The following UPP2 variants were observed in gnomAD, a reference collection of about 807,000 sequenced individuals.
UPP2 encodes UPase 2.
A neutral mutation model predicts 26.7 loss-of-function variants in UPP2; 23 were observed. The observed-to-expected ratio is 0.86, with a 90% CI of 0.62 to 1.22. The LOEUF (loss-of-function observed/expected upper bound fraction) is 1.22, where lower values mean the gene tolerates loss of function less well. Among genes scored for constraint, UPP2 ranks in the 50% most tolerant of loss-of-function variants. UPP2 has a pLI of 0.00. For synonymous variants in UPP2, 127 were observed against 141.3 expected, an observed-to-expected ratio of 0.90 and a Z score of 0.72; for missense variants, 387 against 396.7, an observed-to-expected ratio of 0.98 and a Z score of 0.21.
At chr2:158,068,794 A>G (rs1682484885) in intron 3 of UPP2, among the ~76,000 whole-genome samples, 1 of 16,158 alleles carries the variant, frequency 6.2e-5, no homozygotes, top group African/African-American at 2.4e-4. Context: ...ATATATATAT[A>G]TATATATATT....
At chr2:158,092,828 G>C (rs965288214) in intron 3 of UPP2, among the ~76,000 whole-genome samples, 4 of 152,192 alleles carry the variant, frequency 2.6e-5, no homozygotes, top group African/African-American at 9.7e-5. Flanking sequence ...GCTTTGAATT[G>C]TATTAAGTAT....
intron 3 of UPP2, among the ~76,000 whole-genome samples, chr2:158,034,703 T>C (rs936293796): frequency 2.6e-5 from 4 of 152,168 alleles, no homozygotes; most frequent in Admixed American, 6.5e-5. Context: ...AAGGAAGAGA[T>C]TGTTTGGCAC....
rs553663102 is a variant in UPP2 at position 158,084,870 on chromosome 2, A to C, written c.148-17170A>C. On this transcript the variant is annotated intron_variant, in intron 3 of 9. Coordinates refer to the UPP2 transcript ENST00000605860. ...TGGTCTGTATGCCTATTTTTATACT[A>C]GTACCATGCTGTTTTGGTGACTATG... is the stretch of plus-strand genomic sequence containing the variant. Among the ~76,000 whole-genome samples the C allele has an allele frequency of 1.1e-3, 170 of 152,288 alleles. 1 individual carries two copies. Among genetic ancestry groups the C allele is most frequent in the African/African-American group, 3.9e-3 (162 of 41,570 alleles).
chr2:158,121,948 G>C (rs1683577837), intron 5 of UPP2, among the ~76,000 whole-genome samples: 2 of 151,980 alleles, frequency 1.3e-5, no homozygotes, highest in Non-Finnish European at 1.5e-5. Flanking sequence ...CTGATTCTAT[G>C]TTTCTGCCAT....
At chr2:158,069,405 C>T (rs997426235) in intron 3 of UPP2, among the ~76,000 whole-genome samples, 1 of 152,186 alleles carries the variant, frequency 6.6e-6, no homozygotes, top group Non-Finnish European at 1.5e-5. Context: ...CCAGTGAGCC[C>T]TCTTGGCAGG....
At chr2:158,127,498 G>C (rs1683720187) in intron 6 of UPP2, among the ~76,000 whole-genome samples, 1 of 151,598 alleles carries the variant, frequency 6.6e-6, no homozygotes. Context: ...TTTTGACTAT[G>C]GAAAATGGCC....
At chr2:158,001,502 C>T (rs1683406975) in intron 2 of UPP2, among the ~76,000 whole-genome samples, 1 of 152,088 alleles carries the variant, frequency 6.6e-6, no homozygotes, top group African/African-American at 2.4e-5. Context: ...CAATGCTCCC[C>T]ATGGGGTGAA....
At chr2:158,013,893 A>T (rs181312172) in intron 2 of UPP2, among the ~76,000 whole-genome samples, 1 of 152,328 alleles carries the variant, frequency 6.6e-6, no homozygotes, top group East Asian at 1.9e-4. Flanking sequence ...AAAATCACAG[A>T]CAGGGACTTC....
chr2:158,053,643 A>C (rs1452025188), intron 3 of UPP2, among the ~76,000 whole-genome samples: 6 of 152,210 alleles, frequency 3.9e-5, no homozygotes, highest in African/African-American at 1.2e-4. Flanking sequence ...TTATCCATAC[A>C]GTAGCTACTT....
intron 3 of UPP2, among the ~76,000 whole-genome samples, chr2:158,087,442 C>T (rs1682834992): frequency 6.6e-6 from 1 of 152,106 alleles, no homozygotes; most frequent in African/African-American, 2.4e-5. Context: ...CTCCATTCTC[C>T]CATTCTTTGT....
At chr2:158,025,030 C>G (rs775021501) in intron 3 of UPP2, among the ~76,000 whole-genome samples, 1 of 151,686 alleles carries the variant, frequency 6.6e-6, no homozygotes, top group South Asian at 2.1e-4. Context: ...GGTGAAACCC[C>G]GTCTCTACAA....
intron 2 of UPP2, among the ~76,000 whole-genome samples, chr2:158,010,763 C>CTTT (rs34328148): frequency 2.4e-5 from 2 of 82,906 alleles, no homozygotes; most frequent in Non-Finnish European, 2.9e-5. Flanking sequence ...CCCTCTTTTT[C>CTTT]TTTTTTTTTT....
chr2:158,025,767 G>C (rs1159849290), intron 3 of UPP2, among the ~76,000 whole-genome samples: 2 of 152,208 alleles, frequency 1.3e-5, no homozygotes, highest in African/African-American at 4.8e-5. Context: ...TTAGTTCAGA[G>C]AGCAACTCCT....
chr2:158,116,095 AT>A (rs1280847174), intron 3 of UPP2, among the ~76,000 whole-genome samples: 2 of 152,236 alleles, frequency 1.3e-5, no homozygotes, highest in East Asian at 3.9e-4. Context: ...AGTGTGGACA[AT>A]CATTGATGAA....
At chr2:158,099,874 G>A (rs967068863), upstream of UPP2, among the ~76,000 whole-genome samples, 28 of 152,236 alleles carry the variant, frequency 1.8e-4, no homozygotes, top group African/African-American at 6.8e-4. Context: ...CAGATCTGAT[G>A]CAAGACCCTC....
At chr2:158,031,900 G>A (rs1428610673) in intron 3 of UPP2, among the ~76,000 whole-genome samples, 1 of 152,160 alleles carries the variant, frequency 6.6e-6, no homozygotes, top group African/African-American at 2.4e-5. Context: ...ATTTGATCGT[G>A]ATCATGATCA....
intron 3 of UPP2, among the ~76,000 whole-genome samples, chr2:158,067,087 C>CAA (rs372191730): frequency 2.7e-5 from 4 of 150,836 alleles, no homozygotes; most frequent in Admixed American, 2.0e-4. Flanking sequence ...ACCATTCTTG[C>CAA]AAAAAAAAGA....
chr2:158,016,672 C>T (rs1425106786), intron 3 of UPP2, among the ~76,000 whole-genome samples: 2 of 152,052 alleles, frequency 1.3e-5, no homozygotes, highest in South Asian at 2.1e-4. Context: ...TAGACCATCC[C>T]GTCTTCCTCT....
At chr2:158,112,769 G>T (rs961808631) in intron 2 of UPP2, among the ~76,000 whole-genome samples, 3 of 152,096 alleles carry the variant, frequency 2.0e-5, no homozygotes, top group Non-Finnish European at 4.4e-5. Context: ...TGCATAAAAT[G>T]CAATAGACCA....
Sources: gnomAD v4.1 joint callset for allele counts (sites outside exome capture counted in the v4.1 genomes callset) on GRCh38, gnomAD v4.1.1 for gene constraint, MANE v1.5 for transcripts, NCBI Gene and HGNC (gene_info 2026-07-23, HGNC 2026-07-21) for gene names.